Variants in PLA1A observed in about 807,000 individuals in gnomAD.
PLA1A encodes phosphatidylserine-specific phospholipase A1alpha.
Under a neutral mutation model 49.4 loss-of-function variants are expected in PLA1A, and 47 were observed. That is an observed-to-expected ratio of 0.95 (90% CI 0.75 to 1.21). The LOEUF (loss-of-function observed/expected upper bound fraction) is 1.21, where lower values mean the gene tolerates loss of function less well. Among genes scored for constraint, PLA1A ranks in the 50% most tolerant of loss-of-function variants. PLA1A has a pLI of 0.00. For missense variants in PLA1A, 561 were observed against 563.9 expected (o/e 0.99, Z 0.05); for synonymous variants, 224 against 207.9 (o/e 1.08, Z -0.67).
rs559227387 is a variant in PLA1A, at chr3:119,606,553, T to C, written c.74-221T>C. On this transcript the variant is annotated intron_variant, in intron 1 of 10. Transcript: ENST00000273371. ...TCTCATCTAGTTGAGCAATATTCCT[T>C]CTCTGCTATTTTGTCCTTAGGCATG... 7.9e-5 allele frequency among the ~76,000 whole-genome samples: 12 copies of C among 152,302 alleles called. No individual in the cohort carries two copies. In the East Asian group the frequency reaches 2.3e-3, roughly 29 times the overall value.
intron 1 of PLA1A, among the ~76,000 whole-genome samples, chr3:119,598,370 A>G (rs968461332): frequency 6.6e-6 from 1 of 152,194 alleles, no homozygotes; most frequent in Non-Finnish European, 1.5e-5. Flanking sequence ...CAAACTAATA[A>G]TGATTTTGTC....
At chr3:119,624,738 C>T (rs370293068) in intron 8 of PLA1A, among the ~76,000 whole-genome samples, 85 of 151,914 alleles carry the variant, frequency 5.6e-4, no homozygotes, top group African/African-American at 2.0e-3. Flanking sequence ...TCAAGCGATT[C>T]TCCTGTCTCA....
intron 5 of PLA1A, among the ~76,000 whole-genome samples, chr3:119,615,077 G>A (rs182815324): frequency 5.5e-4 from 84 of 152,316 alleles, no homozygotes; most frequent in African/African-American, 2.0e-3. Flanking sequence ...ACTCAAGGAT[G>A]GCTTATAGGT....
chr3:119,598,940 G>T (rs555973924), intron 1 of PLA1A, among the ~76,000 whole-genome samples: 1 of 152,206 alleles, frequency 6.6e-6, no homozygotes, highest in Non-Finnish European at 1.5e-5. Flanking sequence ...AGCTCTGTAT[G>T]TGCTTTCTCC....
chr3:119,624,734 G>A (rs189638665), intron 8 of PLA1A, among the ~76,000 whole-genome samples: 12 of 151,978 alleles, frequency 7.9e-5, no homozygotes, highest in Admixed American at 1.3e-4. Context: ...GAGTTCAAGC[G>A]ATTCTCCTGT....
chr3:119,611,110 A>G (rs956424285), intron 4 of PLA1A, among the ~76,000 whole-genome samples: 5 of 152,170 alleles, frequency 3.3e-5, no homozygotes, highest in African/African-American at 1.2e-4. Flanking sequence ...CAACTTTGTC[A>G]AAGGTCTGAC....
chr3:119,612,972 G>C (rs2082789727), intron 4 of PLA1A, 45 bp from the exon 5 acceptor site: 1 of 1,260,970 alleles, frequency 7.9e-7, no homozygotes, highest in Admixed American at 2.1e-5. Flanking sequence ...GAATGTTCCT[G>C]CAGCTGAGAG....
chr3:119,600,331 CTGGCCCT>C (rs1378222941), intron 1 of PLA1A: 16 of 701,864 alleles, frequency 2.3e-5, no homozygotes, highest in Middle Eastern at 4.7e-4. Context: ...CTTGATCAAC[CTGGCCCT>C]TGAGCTTCCA....
Position 119,628,135 on chromosome 3 carries a change from G to A in PLA1A, c.1122-566G>A, listed in dbSNP as rs569132665. ...GTTCATAGCAGCATGTAGGGAAGCT[G>A]GAACTTACACCTAGTTGCTATGTGA... On this transcript the variant is annotated intron_variant, in intron 9 of 10. Transcript: ENST00000273371. 9.8e-5 allele frequency among the ~76,000 whole-genome samples: 15 copies of A among 152,318 alleles called. No homozygotes were observed. The South Asian group carries it at 3.1e-3, about 32-fold the overall frequency.
intron 10 of PLA1A, 77 bp downstream of exon 10, chr3:119,628,942 A>G (rs2052585857): frequency 1.7e-6 from 2 of 1,152,332 alleles, no homozygotes; most frequent in Non-Finnish European, 2.6e-6. Context: ...TGTGCTGCCT[A>G]TTGAGGTTCA....
chr3:119,620,321 G>A lies in PLA1A; in HGVS notation c.1012+669G>A, dbSNP rs571219290. On this transcript the variant is annotated intron_variant, in intron 8 of 10. Coordinates refer to ENST00000273371, the MANE Select transcript of PLA1A (RefSeq NM_015900.4). ...TCATGTGTACAGGATAAAGTATGCCGGCTTGGATGATAAACAACATGCCAC... is the reference window on the plus strand; with the variant it reads ...TCATGTGTACAGGATAAAGTATGCCAGCTTGGATGATAAACAACATGCCAC... 2.9e-4 allele frequency: 94 copies of A among 327,100 alleles called. 1 individual carries two copies. The highest frequency in any genetic ancestry group is 1.9e-3 in the South Asian group (79 of 40,600). The allele number at this position is 327,100 out of a possible 1,614,324, so 20.3% of individuals were successfully genotyped here. A position where few individuals can be genotyped will look rare whatever the true frequency, so the allele number is the denominator to read the frequency against.
chr3:119,624,724 G>C (rs1253528260), intron 8 of PLA1A, among the ~76,000 whole-genome samples: 1 of 151,812 alleles, frequency 6.6e-6, no homozygotes, highest in Admixed American at 6.6e-5. Context: ...TCTGCCTCCT[G>C]AGTTCAAGCG....
chr3:119,629,252 C>A, intron 10 of PLA1A, 132 bp from the exon 11 acceptor site: 2 of 693,442 alleles, frequency 2.9e-6, no homozygotes, highest in Non-Finnish European at 2.6e-6. Flanking sequence ...GCACTTGGAC[C>A]ACAGGAACTG....
At chr3:119,607,049 G>A in intron 2 of PLA1A, 74 bp downstream of exon 2, 1 of 1,190,774 alleles carries the variant, frequency 8.4e-7, no homozygotes, top group Non-Finnish European at 1.3e-6. Flanking sequence ...AGAAGTTAGT[G>A]GGCAACAAGG....
chr3:119,619,039 G>T (rs766238117), intron 7 of PLA1A, among the ~76,000 whole-genome samples: 4 of 152,176 alleles, frequency 2.6e-5, no homozygotes, highest in Non-Finnish European at 5.9e-5. Context: ...TGTCTGCCCA[G>T]CCTCATCTCT....
At chr3:119,613,167 G>T (rs144703197) in intron 5 of PLA1A, 49 bp downstream of exon 5, 14 of 1,275,752 alleles carry the variant, frequency 1.1e-5, no homozygotes, top group African/African-American at 3.0e-5. Context: ...TCAAGGCAGC[G>T]CCTAGGAGGC....
At chr3:119,613,313 AT>A (rs2082795653) in intron 5 of PLA1A, among the ~76,000 whole-genome samples, 195 bp downstream of exon 5, 1 of 152,244 alleles carries the variant, frequency 6.6e-6, no homozygotes, top group Non-Finnish European at 1.5e-5. Flanking sequence ...GAATGGTTGT[AT>A]TTTTAGCTAC....
chr3:119,619,239 G>A (rs1160662598), intron 7 of PLA1A, among the ~76,000 whole-genome samples: 1 of 152,188 alleles, frequency 6.6e-6, no homozygotes, highest in Non-Finnish European at 1.5e-5. Context: ...CACTGCACGG[G>A]ATATAAATGT....
intron 8 of PLA1A, 115 bp downstream of exon 8, chr3:119,619,767 TG>T (rs2082903536): frequency 3.1e-5 from 24 of 763,708 alleles, no homozygotes; most frequent in Admixed American, 1.6e-4. Flanking sequence ...TCACCGGAGG[TG>T]TGGCAACAGC....
Sources: allele counts gnomAD v4.1 joint callset (sites outside exome capture counted in the v4.1 genomes callset), GRCh38; gene constraint gnomAD v4.1.1; transcripts MANE v1.5; gene names NCBI Gene and HGNC (gene_info 2026-07-23, HGNC 2026-07-21).